Variants in DKKL1 observed in about 807,000 individuals in gnomAD.
DKKL1 encodes the protein dickkopf like acrosomal protein 1.
Under a neutral mutation model 16.5 loss-of-function variants are expected in DKKL1, and 11 were observed. The observed-to-expected ratio is 0.67, with a 90% confidence interval of 0.42 to 1.10. The LOEUF (loss-of-function observed/expected upper bound fraction) is 1.10. DKKL1 is among the 50% of genes least tolerant of loss of function. The probability of loss-of-function intolerance (pLI) is 0.00; values close to 1 mark genes in which losing one functional copy is unlikely to be tolerated. For missense variants in DKKL1, 320 were observed against 308.1 expected (o/e 1.04, Z -0.29); for synonymous variants, 119 against 133.2 (o/e 0.89, Z 0.73).
In DKKL1 at chr19:49,374,912, C is replaced by T. The variant is rs774632178; in HGVS notation, c.613C>T (p.Arg205Cys). The T allele has an allele frequency of 3.1e-6, 5 of 1,613,978 alleles. No individual in the cohort carries two copies. The highest frequency in any genetic ancestry group is 3.4e-6 in the Non-Finnish European group (4 of 1,179,960). ...CCTGCAGGCCATCCGGGATGGACTC[C>T]GCAAGGGGACCCACAAGGACGTCCT... Reference protein sequence around the residue: ...HRLQAIRDGLRKGTHKDVLEE... With the variant: ...HRLQAIRDGLCKGTHKDVLEE... Residue 205 changes from arginine to cysteine, a missense_variant, in exon 5 of 5, where the codon CGC (arginine) becomes TGC (cysteine). Arg to Cys is a radical substitution (Grantham distance 180). Coordinates refer to ENST00000221498, the MANE Select transcript of DKKL1 (RefSeq NM_014419.4).
Position 49,363,989 on chromosome 19 carries a change from G to A in DKKL1, c.-10G>A, listed in dbSNP as rs776832078. On this transcript the variant is annotated 5_prime_UTR_variant, in exon 1 of 5. Coordinates refer to ENST00000221498, the MANE Select transcript of DKKL1 (RefSeq NM_014419.4). ...AGCATAAAGGCGGAGCCCAGAAGAA[G>A]GGGCGGGGTATGGGAGAAGGTGAGG... The A allele has an allele frequency of 6.2e-7, 1 of 1,613,452 alleles. No individual in the cohort carries two copies. The highest frequency in any genetic ancestry group is 1.3e-5 in the African/African-American group (1 of 75,060).
chr19:49,373,506 G>A (rs1973591940), intron 4 of DKKL1, among the ~76,000 whole-genome samples: 1 of 152,086 alleles, frequency 6.6e-6, no homozygotes, highest in Non-Finnish European at 1.5e-5. Context: ...GTCTTGCTCT[G>A]TTGCCCAGGC....
rs927801047 is a variant in DKKL1, at chr19:49,364,587, C to T, written c.16C>T (p.Pro6Ser). The change falls in exon 2 of 5, where the codon CCA becomes TCA. Residue 6 changes from proline to serine, a missense_variant. Pro to Ser is a moderately conservative substitution (Grantham distance 74, BLOSUM62 -1). Coordinates refer to ENST00000221498, the MANE Select transcript of DKKL1 (RefSeq NM_014419.4). MGEAS[P>S]PAPARRHLLV... ...GACCCCGACCCTTGCCACAGCCTCCCCACCTGCCCCCGCAAGGCGGCATCT... is the reference window on the plus strand; with the variant it reads ...GACCCCGACCCTTGCCACAGCCTCCTCACCTGCCCCCGCAAGGCGGCATCT... 1.9e-6 allele frequency: 3 copies of T among 1,609,820 alleles called. No individual in the cohort carries two copies. The African/African-American group carries it at 4.0e-5, about 22-fold the overall frequency.
At chr19:49,373,859 G>C (rs1046566617) in intron 4 of DKKL1, among the ~76,000 whole-genome samples, 1 of 152,180 alleles carries the variant, frequency 6.6e-6, no homozygotes, top group Non-Finnish European at 1.5e-5. Flanking sequence ...AGGTCTGAGT[G>C]GGGTGGGACC....
chr19:49,363,291 G>T (rs905449606), upstream of DKKL1: 4 of 153,030 alleles, frequency 2.6e-5, no homozygotes, highest in African/African-American at 9.6e-5. Context: ...CTTGGAAGAT[G>T]AAATATAAGA....
Position 49,365,689 on chromosome 19 carries a change from A to T in DKKL1, c.324+40A>T, listed in dbSNP as rs756446313. The T allele has an allele frequency of 4.9e-5, 78 of 1,595,578 alleles. No individual in the cohort carries two copies. The Admixed American group carries it at 1.3e-3, about 27-fold the overall frequency. ...AAGCCCTTCCTGAAGTCCCCTTGGG[A>T]TCCCTCCATCCCGCCATCCCTCGTG... is the stretch of plus-strand genomic sequence containing the variant. On this transcript the variant is annotated intron_variant, in intron 3 of 4. Coordinates refer to ENST00000221498, the MANE Select transcript of DKKL1 (RefSeq NM_014419.4).
intron 3 of DKKL1, 39 bp downstream of exon 3, chr19:49,365,688 G>GATCCCTCC: frequency 3.8e-6 from 6 of 1,598,876 alleles, no homozygotes; most frequent in Middle Eastern, 1.7e-4. Context: ...GTCCCCTTGG[G>GATCCCTCC]ATCCCTCCAT....
chr19:49,364,036 T>C (rs767064448), intron 1 of DKKL1, 28 bp downstream of exon 1: 2 of 1,612,298 alleles, frequency 1.2e-6, no homozygotes, highest in South Asian at 2.2e-5. Context: ...GTGGTGAACG[T>C]GGGCGAAAGT....
upstream of DKKL1, among the ~76,000 whole-genome samples, chr19:49,361,207 G>GACAAAGACCCAGAGAGAGAGGGGA: frequency 1.0e-5 from 1 of 100,116 alleles, no homozygotes; most frequent in African/African-American, 5.8e-5. Context: ...CAGAGAGGGA[G>GACAAAGACCCAGAGAGAGAGGGGA]ACAGAGACCC....
upstream of DKKL1, among the ~76,000 whole-genome samples, chr19:49,360,740 GA>G (rs1972794746): frequency 1.1e-5 from 1 of 87,834 alleles, no homozygotes; most frequent in African/African-American, 4.1e-5. Context: ...GAGGGGGACA[GA>G]GACCCAGAGA....
upstream of DKKL1, among the ~76,000 whole-genome samples, chr19:49,361,093 G>C (rs1438839932): frequency 1.5e-5 from 2 of 129,150 alleles, no homozygotes; most frequent in African/African-American, 6.0e-5. Context: ...GACCCAAAAA[G>C]AGAGGGAGAC....
At chr19:49,371,660 T>C (rs902955552) in intron 4 of DKKL1, among the ~76,000 whole-genome samples, 2 of 151,782 alleles carry the variant, frequency 1.3e-5, no homozygotes, top group African/African-American at 4.9e-5. Context: ...CTGGGGTACA[T>C]GTGCAGACAT....
intron 4 of DKKL1, among the ~76,000 whole-genome samples, chr19:49,374,351 G>A (rs1189644372): frequency 6.6e-6 from 1 of 152,024 alleles, no homozygotes; most frequent in African/African-American, 2.4e-5. Context: ...ATGAGTCTTC[G>A]GTAAACCCAA....
rs929230581 is a variant in DKKL1 at position 49,374,839 on chromosome 19, C to T, written c.540C>T (p.His180=). 4.3e-6 allele frequency: 7 copies of T among 1,613,840 alleles called. No individual in the cohort carries two copies. The highest frequency in any genetic ancestry group is 5.9e-6 in the Non-Finnish European group (7 of 1,179,884). Residue 180 remains histidine, a synonymous_variant, in exon 5 of 5, where the codon CAC becomes CAT. Transcript: ENST00000221498. ...TTAAGCTGCCACGGCGGAGGTCCCA[C>T]CAGGATGCCCTGGAGGGCGGCCACT... ...WIIKLPRRRS[H]QDALEGGHWL...
chr19:49,374,977 C>G lies in DKKL1; in HGVS notation c.678C>G (p.Ser226=), dbSNP rs550572733. The G allele has an allele frequency of 6.2e-7, 1 of 1,613,352 alleles. No homozygotes were observed. The highest frequency in any genetic ancestry group is 1.3e-5 in the African/African-American group (1 of 75,018). The change falls in exon 5 of 5, where the codon TCC becomes TCG. Residue 226 remains serine (S), a synonymous_variant. Transcript: ENST00000221498. Reference sequence around the variant, plus strand: ...AGAGCTCCTCCCACTCCAGGCTGTCCCCCCGAAAGACCCACTTACTGTACA... The same window carrying G: ...AGAGCTCCTCCCACTCCAGGCTGTCGCCCCGAAAGACCCACTTACTGTACA... ...GTESSSHSRL[S]PRKTHLLYIL... is the part of the protein sequence containing the mutation.
chr19:49,372,244 C>A (rs935678790), intron 4 of DKKL1, among the ~76,000 whole-genome samples: 3 of 152,120 alleles, frequency 2.0e-5, no homozygotes, highest in African/African-American at 7.2e-5. Flanking sequence ...TTGATAACAT[C>A]CCTGGGCTCT....
chr19:49,363,857 C>A (rs1000873209), upstream of DKKL1: 5 of 1,229,096 alleles, frequency 4.1e-6, no homozygotes, highest in African/African-American at 7.5e-5. Flanking sequence ...GCTCGCGGAG[C>A]GCAACCAACG....
chr19:49,361,043 A>G, upstream of DKKL1, among the ~76,000 whole-genome samples: 1 of 67,086 alleles, frequency 1.5e-5, no homozygotes, highest in Admixed American at 1.4e-4. Flanking sequence ...GGGGGGACAG[A>G]GACCAGAGAG....
At chr19:49,364,799 TTCAGGGAC>T in intron 2 of DKKL1, 45 bp downstream of exon 2, 1 of 1,587,802 alleles carries the variant, frequency 6.3e-7, no homozygotes, top group East Asian at 2.2e-5. Context: ...TGAGAAGAGG[TTCAGGGAC>T]ACAGAGTGGG....
Sources: allele counts gnomAD v4.1 joint callset (sites outside exome capture counted in the v4.1 genomes callset), GRCh38; gene constraint gnomAD v4.1.1; transcripts MANE v1.5; gene names NCBI Gene and HGNC (gene_info 2026-07-23, HGNC 2026-07-21).